The following ANKDD1A variants were observed in gnomAD, a reference collection of about 807,000 sequenced individuals.
ANKDD1A encodes ankyrin repeat and death domain-containing protein 1A.
ANKDD1A carries 59 observed loss-of-function variants against 63.5 expected under a neutral mutation model. The ratio of observed to expected loss-of-function variants is 0.93; its 90% confidence interval spans 0.75 to 1.15. ANKDD1A has a LOEUF of 1.15. Among genes scored for constraint, ANKDD1A ranks in the 50% most tolerant of loss-of-function variants. The pLI is 0.00. For missense variants in ANKDD1A, 632 were observed against 656.4 expected, an observed-to-expected ratio of 0.96 and a Z score of 0.41; for synonymous variants, 266 against 263.9, an observed-to-expected ratio of 1.01 and a Z score of -0.08.
intron 6 of ANKDD1A, among the ~76,000 whole-genome samples, chr15:64,929,449 G>C (rs72737302): frequency 0.018 from 2,672 of 152,258 alleles, 44 homozygotes; most frequent in South Asian, 0.026. Context: ...GATTACAGGT[G>C]TGAGGTACCA....
At chr15:64,936,854 T>C (rs1048470896) in intron 9 of ANKDD1A, among the ~76,000 whole-genome samples, 1 of 151,914 alleles carries the variant, frequency 6.6e-6, no homozygotes, top group African/African-American at 2.4e-5. Context: ...TAAAAAAAAT[T>C]TTTTAAAAAT....
chr15:64,952,625 CG>C (rs2085314741), intron 14 of ANKDD1A, among the ~76,000 whole-genome samples: 9 of 125,784 alleles, frequency 7.2e-5, no homozygotes, highest in Non-Finnish European at 1.3e-4. Context: ...TCTCCTTCTT[CG>C]TCTTTTCTTT....
chr15:64,915,777 A>C lies in ANKDD1A; in HGVS notation c.35-20A>C, dbSNP rs778049420. Reference sequence around the variant, plus strand: ...TGGGGCATCCTCCCCCTCATCCTGCACCCCATTTTCTCCCCACAGTGCTTC... The same window carrying C: ...TGGGGCATCCTCCCCCTCATCCTGCCCCCCATTTTCTCCCCACAGTGCTTC... On this transcript the variant is annotated intron_variant, in intron 1 of 14. Transcript: ENST00000319580. The C allele has an allele frequency of 1.1e-5, 17 of 1,609,422 alleles. No homozygotes were observed. Among genetic ancestry groups the C allele is most frequent in the South Asian group, 2.2e-5 (2 of 90,968 alleles).
intron 14 of ANKDD1A, among the ~76,000 whole-genome samples, chr15:64,953,454 TCTCTCC>T (rs2085340404): frequency 4.2e-5 from 1 of 23,766 alleles, no homozygotes; most frequent in Non-Finnish European, 2.2e-4. Flanking sequence ...TCTTCTTTCT[TCTCTCC>T]TTCTTCTTCT....
intron 14 of ANKDD1A, among the ~76,000 whole-genome samples, chr15:64,955,963 A>T (rs2085412978): frequency 1.3e-5 from 2 of 152,216 alleles, no homozygotes; most frequent in African/African-American, 4.8e-5. Context: ...TTGGAAACAA[A>T]CCAAGTGACT....
intron 1 of ANKDD1A, among the ~76,000 whole-genome samples, chr15:64,914,975 G>A (rs983327874): frequency 1.3e-5 from 2 of 152,178 alleles, no homozygotes; most frequent in Non-Finnish European, 2.9e-5. Flanking sequence ...TAGCCTCAGC[G>A]TGGGCAGGTG....
chr15:64,924,340 C>A (rs550614444), intron 4 of ANKDD1A, among the ~76,000 whole-genome samples: 1 of 152,378 alleles, frequency 6.6e-6, no homozygotes, highest in East Asian at 1.9e-4. Flanking sequence ...CGTGGTATCA[C>A]CTCCATTGCA....
intron 14 of ANKDD1A, among the ~76,000 whole-genome samples, chr15:64,954,360 T>TC (rs2085382727): frequency 1.2e-5 from 1 of 80,372 alleles, no homozygotes; most frequent in East Asian, 4.1e-4. Flanking sequence ...CTTCTCTTCT[T>TC]CTCCTTCTTC....
At chr15:64,940,742 C>T (rs61342224) in intron 9 of ANKDD1A, among the ~76,000 whole-genome samples, 149,942 of 152,002 alleles carry the variant, frequency 0.99, 73,984 homozygotes, top group Middle Eastern at 1. Flanking sequence ...CTGGCCTAGA[C>T]AGACAGATTT....
chr15:64,936,561 A>G (rs1245046778), intron 9 of ANKDD1A, among the ~76,000 whole-genome samples: 1 of 152,178 alleles, frequency 6.6e-6, no homozygotes, highest in Non-Finnish European at 1.5e-5. Context: ...AGGCGTTGCC[A>G]GGTGCAGTGG....
chr15:64,929,744 C>T (rs918306332), intron 6 of ANKDD1A, among the ~76,000 whole-genome samples: 5 of 152,172 alleles, frequency 3.3e-5, no homozygotes, highest in East Asian at 1.9e-4. Flanking sequence ...CATGTACCCC[C>T]GGCCCTATTC....
chr15:64,915,525 G>A (rs887501910), intron 1 of ANKDD1A, among the ~76,000 whole-genome samples: 2 of 152,178 alleles, frequency 1.3e-5, no homozygotes, highest in Admixed American at 6.5e-5. Context: ...ACACATTTAG[G>A]CTGCTGAAAA....
intron 10 of ANKDD1A, chr15:64,943,261 A>C: frequency 2.0e-6 from 1 of 510,026 alleles, no homozygotes; most frequent in South Asian, 2.9e-5. Context: ...GGCGTTTATC[A>C]GAGTTTATAG....
intron 2 of ANKDD1A, among the ~76,000 whole-genome samples, chr15:64,916,370 G>T (rs1465580651): frequency 1.3e-5 from 2 of 151,112 alleles, no homozygotes; most frequent in Non-Finnish European, 2.9e-5. Context: ...TATCACCCAG[G>T]CTGGAGTGCA....
At position 64,953,164 on chromosome 15, in the gene ANKDD1A, CCTTCTTTTCTT is replaced by C. The variant is rs1566917334; in HGVS notation, c.1483+3196_1483+3206del. On this transcript the variant is annotated intron_variant, in intron 14 of 14. Transcript: ENST00000319580. The stretch of plus-strand genomic sequence containing the variant: ...TCTTCCTTTTTCTCCTTTCTTCTTT[CCTTCTTTTCTT>C]CTTTTTCTTCTTCCTCTTCTTATTC... Among the ~76,000 whole-genome samples the C allele has an allele frequency of 1.7e-4, 17 of 102,186 alleles. No individual in the cohort carries two copies. In the South Asian group the frequency reaches 4.3e-3, roughly 26 times the overall value. 67.0% of individuals were successfully genotyped at this position (102,186 alleles called of 152,430 possible).
At position 64,930,387 on chromosome 15, in the gene ANKDD1A, G is replaced by C. The variant is rs532438838; in HGVS notation, c.571-435G>C. Among the ~76,000 whole-genome samples, 11 of 152,334 alleles carry C rather than the reference G, an allele frequency of 7.2e-5. No individual in the cohort carries two copies. The South Asian group carries it at 2.3e-3, about 32-fold the overall frequency. ...AAAATAGTCTCAGGAGGACAGAGGT[G>C]GGGGTTGTAGTTTCAGTGTGGCCCG... is the stretch of plus-strand genomic sequence containing the variant. On this transcript the variant is annotated intron_variant, in intron 6 of 14. Coordinates refer to ENST00000319580, the MANE Select transcript of ANKDD1A (RefSeq NM_182703.6).
chr15:64,952,730 C>T (rs1313799541), intron 14 of ANKDD1A, among the ~76,000 whole-genome samples: 1 of 123,434 alleles, frequency 8.1e-6, no homozygotes, highest in African/African-American at 3.0e-5. Context: ...TTCTTCTTCT[C>T]CTTCTTCCTC....
At chr15:64,931,239 G>A (rs899496563) in intron 7 of ANKDD1A, among the ~76,000 whole-genome samples, 1 of 152,200 alleles carries the variant, frequency 6.6e-6, no homozygotes, top group African/African-American at 2.4e-5. Context: ...CCTGACCGGG[G>A]CAGAACATGA....
intron 14 of ANKDD1A, among the ~76,000 whole-genome samples, chr15:64,954,215 C>CT (rs1224887527): frequency 0.2 from 11,389 of 55,784 alleles, 981 homozygotes; most frequent in African/African-American, 0.26. Context: ...TTCTTTTCTT[C>CT]TTCTTCTTCT....
Sources: gnomAD v4.1 joint callset for allele counts (sites outside exome capture counted in the v4.1 genomes callset) on GRCh38, gnomAD v4.1.1 for gene constraint, MANE v1.5 for transcripts, NCBI Gene and HGNC (gene_info 2026-07-23, HGNC 2026-07-21) for gene names.